The following ASB15 variants were observed in gnomAD, a reference collection of about 807,000 sequenced individuals.
ASB15 encodes the protein ankyrin repeat and SOCS box containing 15.
A neutral mutation model predicts 58.0 loss-of-function variants in ASB15; 54 were observed. The ratio of observed to expected loss-of-function variants is 0.93; its 90% CI spans 0.75 to 1.17. The LOEUF is 1.17. Among genes scored for constraint, ASB15 ranks in the 50% most tolerant of loss-of-function variants. The pLI, the probability that ASB15 is intolerant of heterozygous loss-of-function variation, is 0.00. For missense variants in ASB15, 680 were observed against 707.4 expected, an observed-to-expected ratio of 0.96 and a Z score of 0.44; for synonymous variants, 249 against 262.4, an observed-to-expected ratio of 0.95 and a Z score of 0.50.
At chr7:123,606,127 G>A (rs535459590) in intron 2 of ASB15, among the ~76,000 whole-genome samples, 1 of 152,074 alleles carries the variant, frequency 6.6e-6, no homozygotes, top group East Asian at 1.9e-4. Context: ...CTTTTTTATT[G>A]TCTGTAACTG....
intron 3 of ASB15, among the ~76,000 whole-genome samples, chr7:123,611,820 C>T (rs918015036): frequency 6.6e-6 from 1 of 152,112 alleles, no homozygotes; most frequent in Non-Finnish European, 1.5e-5. Flanking sequence ...TGCAGATCTT[C>T]ACTTCATCTC....
chr7:123,571,907 C>T (rs932937146), intron 1 of ASB15, among the ~76,000 whole-genome samples: 2 of 152,046 alleles, frequency 1.3e-5, no homozygotes, highest in Middle Eastern at 3.4e-3. Context: ...TGAGACCACA[C>T]CACAGGCATG....
intron 2 of ASB15, among the ~76,000 whole-genome samples, chr7:123,605,873 T>C (rs1457948406): frequency 6.6e-6 from 1 of 152,110 alleles, no homozygotes; most frequent in East Asian, 1.9e-4. Flanking sequence ...AGGGCAAGGA[T>C]AGAAAAACTA....
chr7:123,629,402 G>A lies in ASB15; in HGVS notation c.1408G>A (p.Gly470Arg). The change falls in exon 10 of 12, where the codon GGA becomes AGA. Residue 470 changes from glycine to arginine, a missense_variant. Physicochemically the swap from Gly to Arg is moderately radical, Grantham distance 125. Coordinates refer to ENST00000451215, the MANE Select transcript of ASB15 (RefSeq NM_001290258.2). ...WSEIQEEVLP[G>R]WTSCVIKDNP... ...AGAGATACAGGAAGAGGTGCTGCCA[G>A]GATGGACATCTTGTGTAATAAAAGA... is the stretch of plus-strand genomic sequence containing the variant. 1.2e-6 allele frequency: 2 copies of A among 1,612,214 alleles called. No homozygotes were observed. Among genetic ancestry groups the A allele is most frequent in the Non-Finnish European group, 8.5e-7 (1 of 1,179,654 alleles).
At chr7:123,610,981 C>T (rs1800404990) in intron 3 of ASB15, among the ~76,000 whole-genome samples, 1 of 146,938 alleles carries the variant, frequency 6.8e-6, no homozygotes, top group Non-Finnish European at 1.5e-5. Flanking sequence ...ACTCGGGAGG[C>T]TAAGGCAGGA....
At chr7:123,596,066 C>T (rs1799682483) in intron 1 of ASB15, among the ~76,000 whole-genome samples, 1 of 152,040 alleles carries the variant, frequency 6.6e-6, no homozygotes, top group Non-Finnish European at 1.5e-5. Context: ...AATATTTTTT[C>T]TCAGTACTTA....
chr7:123,573,562 C>T (rs1798977364), intron 1 of ASB15, among the ~76,000 whole-genome samples: 1 of 152,114 alleles, frequency 6.6e-6, no homozygotes, highest in African/African-American at 2.4e-5. Context: ...CTCTAGCCTC[C>T]CTCCCCCTGC....
intron 7 of ASB15, among the ~76,000 whole-genome samples, chr7:123,623,953 AAGAAAGAAAGAAAGAAAG>A: frequency 8.2e-6 from 1 of 122,074 alleles, no homozygotes; most frequent in South Asian, 2.4e-4. Flanking sequence ...GAAAGAAAGA[AAGAAAGAAAGAAAGAAAG>A]AAAGAAAGAA....
chr7:123,577,182 G>T (rs1799090138), intron 1 of ASB15, among the ~76,000 whole-genome samples: 1 of 152,030 alleles, frequency 6.6e-6, no homozygotes. Context: ...AGATGTAAAG[G>T]TTTACTATAT....
At chr7:123,585,274 T>C (rs536693296) in intron 1 of ASB15, among the ~76,000 whole-genome samples, 30 of 151,800 alleles carry the variant, frequency 2.0e-4, no homozygotes, top group African/African-American at 7.2e-4. Flanking sequence ...TTCTTAAAAA[T>C]AAACTGTTTA....
intron 7 of ASB15, among the ~76,000 whole-genome samples, chr7:123,618,410 G>A (rs1028872734): frequency 6.6e-6 from 1 of 152,196 alleles, no homozygotes; most frequent in Non-Finnish European, 1.5e-5. Flanking sequence ...ATGTGGTGTT[G>A]GCACGTGAGA....
At chr7:123,631,552 T>C (rs577331547) in intron 11 of ASB15, among the ~76,000 whole-genome samples, 2 of 152,244 alleles carry the variant, frequency 1.3e-5, no homozygotes, top group East Asian at 1.9e-4. Flanking sequence ...CTAAGTTCCC[T>C]TCCTGGACTT....
chr7:123,597,785 C>A (rs1370059066), upstream of ASB15, among the ~76,000 whole-genome samples: 2 of 152,092 alleles, frequency 1.3e-5, no homozygotes, highest in Admixed American at 6.5e-5. Flanking sequence ...GAGCTGAGAT[C>A]GCACCACTGC....
intron 1 of ASB15, among the ~76,000 whole-genome samples, chr7:123,569,638 A>C (rs924930124): frequency 6.6e-6 from 1 of 152,218 alleles, no homozygotes; most frequent in Non-Finnish European, 1.5e-5. Context: ...AGAAAGGTGG[A>C]CAAGGTTATT....
At chr7:123,603,840 G>T (rs1462373614) in intron 1 of ASB15, among the ~76,000 whole-genome samples, 192 bp from the exon 2 acceptor site, 1 of 152,078 alleles carries the variant, frequency 6.6e-6, no homozygotes, top group Non-Finnish European at 1.5e-5. Context: ...GGGATACTGG[G>T]GTCTAAATCA....
At chr7:123,591,949 G>A (rs1244685400) in intron 1 of ASB15, among the ~76,000 whole-genome samples, 1 of 151,934 alleles carries the variant, frequency 6.6e-6, no homozygotes, top group Non-Finnish European at 1.5e-5. Context: ...TTTGTTGGTA[G>A]GCTATTAATT....
chr7:123,604,212 G>C lies in ASB15; in HGVS notation c.-64G>C, dbSNP rs1800024034. The C allele has an allele frequency of 6.6e-6, 1 of 152,026 alleles. No homozygotes were observed. The highest frequency in any genetic ancestry group is 2.4e-5 in the African/African-American group (1 of 41,366). The allele number at this position is 152,026 out of a possible 1,614,324, so 9.4% of individuals were successfully genotyped here. A position where few individuals can be genotyped will look rare whatever the true frequency, so the allele number is the denominator to read the frequency against. ...GCTCTGAGAAAGAGAACCAGAAAAA[G>C]GTAAGAGAAGTAGAAACATTATCTT... On this transcript the variant is annotated splice_region_variant and 5_prime_UTR_variant, in exon 2 of 12. Coordinates refer to ENST00000451215, the MANE Select transcript of ASB15 (RefSeq NM_001290258.2).
chr7:123,570,291 C>G (rs994871457), intron 1 of ASB15, among the ~76,000 whole-genome samples: 7 of 152,000 alleles, frequency 4.6e-5, no homozygotes, highest in African/African-American at 1.7e-4. Context: ...CCACCTCGGC[C>G]CCCCAAAGTG....
chr7:123,612,978 G>A (rs1005510152), intron 3 of ASB15, among the ~76,000 whole-genome samples: 1 of 151,706 alleles, frequency 6.6e-6, no homozygotes, highest in Admixed American at 6.6e-5. Context: ...GATCTCTAGG[G>A]TGCCTTTTGA....
Sources: gnomAD v4.1 joint callset for allele counts (sites outside exome capture counted in the v4.1 genomes callset) on GRCh38, gnomAD v4.1.1 for gene constraint, MANE v1.5 for transcripts, NCBI Gene and HGNC (gene_info 2026-07-23, HGNC 2026-07-21) for gene names.